The following DOCK1 variants were observed in gnomAD, a reference collection of about 807,000 sequenced individuals.
The protein encoded by DOCK1 is dedicator of cytokinesis 1, also known as dedicator of cytokinesis protein 1.
Under a neutral mutation model 262.7 loss-of-function variants are expected in DOCK1, and 138 were observed. That is an observed-to-expected ratio of 0.53 (90% confidence interval 0.46 to 0.61). DOCK1 has a LOEUF of 0.61. DOCK1 is among the 20% of genes least tolerant of loss of function. DOCK1 has a pLI of 0.00. For missense variants in DOCK1, 1,908 were observed against 2,370.7 expected, an observed-to-expected ratio of 0.80 and a Z score of 4.05; for synonymous variants, 866 against 867.4, an observed-to-expected ratio of 1.00 and a Z score of 0.03.
At chr10:127,202,690 C>T (rs186812963) in intron 27 of DOCK1, among the ~76,000 whole-genome samples, 46 of 152,278 alleles carry the variant, frequency 3.0e-4, no homozygotes, top group Non-Finnish European at 4.6e-4. Flanking sequence ...TTCGGTTGTG[C>T]GCCTCCAGGG....
chr10:126,933,771 C>T (rs2034354314), intron 1 of DOCK1, among the ~76,000 whole-genome samples: 1 of 152,096 alleles, frequency 6.6e-6, no homozygotes, highest in African/African-American at 2.4e-5. Context: ...TGAACCTCTC[C>T]AACATGAATT....
In DOCK1 at chr10:127,266,855, G is replaced by A. The variant is rs1442931968; in HGVS notation, c.3044+9426G>A. ...CTCCAAGAAAACTGGCCTAACCTGA[G>A]ACATTTCACAGCCCAGAGTCCCCAG... On this transcript the variant is annotated intron_variant, in intron 29 of 51. Coordinates refer to ENST00000623213, the MANE Select transcript of DOCK1 (RefSeq NM_001290223.2). Among the ~76,000 whole-genome samples the A allele has an allele frequency of 2.6e-5, 4 of 152,268 alleles. No individual in the cohort carries two copies. The South Asian group carries it at 8.3e-4, about 32-fold the overall frequency.
intron 12 of DOCK1, among the ~76,000 whole-genome samples, chr10:127,013,955 G>T (rs529682293): frequency 6.6e-6 from 1 of 152,226 alleles, no homozygotes; most frequent in Non-Finnish European, 1.5e-5. Flanking sequence ...ATCACCAGCA[G>T]CCCAGGCTTA....
At position 127,125,460 on chromosome 10, in the gene DOCK1, T is replaced by C. The variant is rs753530211; in HGVS notation, c.2624-14T>C. 2.5e-6 allele frequency: 4 copies of C among 1,611,900 alleles called. No individual in the cohort carries two copies. Among genetic ancestry groups the C allele is most frequent in the Admixed American group, 1.7e-5 (1 of 59,966 alleles). On this transcript the variant is annotated splice_polypyrimidine_tract_variant and intron_variant, in intron 25 of 51. Coordinates refer to ENST00000623213, the MANE Select transcript of DOCK1 (RefSeq NM_001290223.2). ...TGGGTTTCACACTGACTGGCAATGC[T>C]GTGTCCTGTGTAGACTGCAGAGAGA...
rs780504348 is a variant in DOCK1, at chr10:126,905,508, C to A, written c.-10C>A. On this transcript the variant is annotated 5_prime_UTR_variant, in exon 1 of 52. Coordinates refer to ENST00000623213, the MANE Select transcript of DOCK1 (RefSeq NM_001290223.2). ...TTTCCTGCCCGACCCGCGGCGGCTC[C>A]GGCGGCGCCATGACGCGCTGGGTGC... The A allele has an allele frequency of 3.8e-6, 2 of 530,818 alleles. No homozygotes were observed. The highest frequency in any genetic ancestry group is 3.5e-6 in the Non-Finnish European group (1 of 289,012). The allele number at this position is 530,818 out of a possible 1,614,324, so 32.9% of individuals were successfully genotyped here.
chr10:127,155,046 T>G (rs2052903665), intron 27 of DOCK1, among the ~76,000 whole-genome samples: 1 of 152,208 alleles, frequency 6.6e-6, no homozygotes, highest in African/African-American at 2.4e-5. Flanking sequence ...ATGTTAAATT[T>G]GTGGCAGGAG....
At chr10:127,253,352 A>C (rs2059718387) in intron 28 of DOCK1, among the ~76,000 whole-genome samples, 1 of 152,050 alleles carries the variant, frequency 6.6e-6, no homozygotes, top group South Asian at 2.1e-4. Context: ...ACACTCTCAC[A>C]CTTCTGTGAC....
chr10:127,330,282 G>A (rs1050370308), intron 29 of DOCK1, among the ~76,000 whole-genome samples: 1 of 152,098 alleles, frequency 6.6e-6, no homozygotes, highest in African/African-American at 2.4e-5. Flanking sequence ...AACCAACACA[G>A]GCACACCTAC....
intron 4 of DOCK1, among the ~76,000 whole-genome samples, chr10:126,986,780 G>A (rs561963326): frequency 6.6e-6 from 1 of 152,218 alleles, no homozygotes; most frequent in African/African-American, 2.4e-5. Context: ...CATGGTGGTG[G>A]GCACCTGTAG....
chr10:126,932,791 CT>C (rs2034282415), intron 1 of DOCK1, among the ~76,000 whole-genome samples: 1 of 152,082 alleles, frequency 6.6e-6, no homozygotes, highest in Non-Finnish European at 1.5e-5. Flanking sequence ...CTCCAAGTCC[CT>C]CTCCGCTTGA....
At chr10:127,095,766 C>T (rs1490964868) in intron 23 of DOCK1, among the ~76,000 whole-genome samples, 1 of 152,164 alleles carries the variant, frequency 6.6e-6, no homozygotes, top group Non-Finnish European at 1.5e-5. Context: ...ATCCCTCTCC[C>T]TGAGAAACCC....
At chr10:127,252,365 T>A (rs2134866737) in intron 28 of DOCK1, among the ~76,000 whole-genome samples, 1 of 151,724 alleles carries the variant, frequency 6.6e-6, no homozygotes, top group East Asian at 1.9e-4. Flanking sequence ...TAGTTTCTTT[T>A]GCTGTGCAGA....
chr10:127,341,908 A>G (rs376492181), intron 30 of DOCK1, among the ~76,000 whole-genome samples: 5 of 152,162 alleles, frequency 3.3e-5, no homozygotes, highest in African/African-American at 1.2e-4. Context: ...CATACGACCC[A>G]TGTCTGCATG....
intron 47 of DOCK1, among the ~76,000 whole-genome samples, chr10:127,430,262 C>T (rs570546608): frequency 2.0e-5 from 3 of 152,340 alleles, no homozygotes; most frequent in African/African-American, 7.2e-5. Context: ...CCTCCCTCCA[C>T]AGCTGCCGGG....
At chr10:127,174,413 C>T (rs1400270852) in intron 27 of DOCK1, among the ~76,000 whole-genome samples, 1 of 152,172 alleles carries the variant, frequency 6.6e-6, no homozygotes, top group Non-Finnish European at 1.5e-5. Context: ...TAGGAGGCTT[C>T]CGCACTGGGG....
intron 1 of DOCK1, among the ~76,000 whole-genome samples, chr10:126,953,335 T>C (rs2036477743): frequency 6.6e-6 from 1 of 150,932 alleles, no homozygotes; most frequent in Admixed American, 6.6e-5. Context: ...GTGGTAGTAT[T>C]GTCAGTGATG....
At chr10:127,257,837 C>G (rs2059881977) in intron 29 of DOCK1, 2 of 156,244 alleles carry the variant, frequency 1.3e-5, no homozygotes. Flanking sequence ...TTTTTTTAAT[C>G]ATGAGCATTT....
At chr10:127,117,263 G>C (rs566055928) in intron 25 of DOCK1, among the ~76,000 whole-genome samples, 1 of 152,212 alleles carries the variant, frequency 6.6e-6, no homozygotes, top group African/African-American at 2.4e-5. Flanking sequence ...TTGGAAAAGA[G>C]TGATTATCTC....
At chr10:127,312,584 T>C (rs1359013504) in intron 29 of DOCK1, among the ~76,000 whole-genome samples, 2 of 152,186 alleles carry the variant, frequency 1.3e-5, no homozygotes, top group African/African-American at 4.8e-5. Context: ...GTCCACTCTG[T>C]CTCTGTCCTT....
Sources: allele counts gnomAD v4.1 joint callset (sites outside exome capture counted in the v4.1 genomes callset), GRCh38; gene constraint gnomAD v4.1.1; transcripts MANE v1.5; gene names NCBI Gene and HGNC (gene_info 2026-07-23, HGNC 2026-07-21).